DSE: variants seen among roughly 807,000 people sequenced by gnomAD.
DSE encodes dermatan sulfate epimerase.
In DSE, 36 loss-of-function variants were observed where a neutral mutation model predicts 84.4. That is an observed-to-expected ratio of 0.43 (90% confidence interval 0.33 to 0.56). DSE has a LOEUF of 0.56. DSE is among the 20% of genes least tolerant of loss of function. The pLI is 0.06. For missense variants in DSE, 862 were observed against 1,169.6 expected (o/e 0.74, Z 3.84); for synonymous variants, 410 against 430.1 (o/e 0.95, Z 0.58).
At chr6:116,315,740 G>A (rs763333363) in intron 2 of DSE, among the ~76,000 whole-genome samples, 10 of 152,174 alleles carry the variant, frequency 6.6e-5, no homozygotes, top group Non-Finnish European at 1.0e-4. Flanking sequence ...GGTGGCTCAC[G>A]CCTGTAATCC....
chr6:116,279,309 C>CCCA, intron 2 of DSE: 1 of 1,610,490 alleles, frequency 6.2e-7, no homozygotes, highest in Non-Finnish European at 8.5e-7. Context: ...CCTTCACCAC[C>CCCA]TCAGCGCTCT....
At chr6:116,420,630 T>C in intron 2 of DSE, among the ~76,000 whole-genome samples, 1 of 152,232 alleles carries the variant, frequency 6.6e-6, no homozygotes, top group East Asian at 1.9e-4. Flanking sequence ...CTACCCAGTC[T>C]ATGGCATTTT....
At position 116,427,561 on chromosome 6, in the gene DSE, C is replaced by T. The variant is rs73767766; in HGVS notation, c.670+734C>T. Among the ~76,000 whole-genome samples, 290 of 152,314 alleles carry T rather than the reference C, an allele frequency of 1.9e-3. 2 individuals carry two copies. Among genetic ancestry groups the T allele is most frequent in the African/African-American group, 6.8e-3 (281 of 41,570 alleles). ...AAGCATTTTGTTGATTATCCAGCAT[C>T]GGATTTTACCCAAACCTAGCTTTCT... is the stretch of plus-strand genomic sequence containing the variant. On this transcript the variant is annotated intron_variant, in intron 3 of 5. Transcript: ENST00000644252.
upstream of DSE, among the ~76,000 whole-genome samples, chr6:116,369,368 A>G (rs1779371245): frequency 6.6e-6 from 1 of 152,236 alleles, no homozygotes; most frequent in South Asian, 2.1e-4. Flanking sequence ...ATACAGCTAG[A>G]CACTTTCACA....
chr6:116,256,358 G>A (rs903354366), intron 1 of DSE: 5 of 152,120 alleles, frequency 3.3e-5, no homozygotes, highest in Admixed American at 6.5e-5. Context: ...TTGCTCCTAG[G>A]CTACAAACCT....
At chr6:116,278,637 C>A in intron 2 of DSE, 1 of 1,614,162 alleles carries the variant, frequency 6.2e-7, no homozygotes. Flanking sequence ...GCCACAGATC[C>A]TCTTTAATAA....
chr6:116,438,054 T>C lies in DSE; in HGVS notation c.*709T>C, dbSNP rs1304997256. 1.4e-5 allele frequency: 2 copies of C among 139,572 alleles called. No individual in the cohort carries two copies. The highest frequency in any genetic ancestry group is 5.5e-5 in the African/African-American group (2 of 36,480). The allele number at this position is 139,572 out of a possible 1,614,324, so 8.6% of individuals were successfully genotyped here. A position where few individuals can be genotyped will look rare whatever the true frequency, so the allele number is the denominator to read the frequency against. On this transcript the variant is annotated 3_prime_UTR_variant, in exon 6 of 6. Coordinates refer to ENST00000644252, the MANE Select transcript of DSE (RefSeq NM_013352.4). ...GTTACTTGCATGCATTCATTGGTTG[T>C]TCAATAAGTGAGATGATTACAGATA...
chr6:116,318,233 G>A lies in DSE; in HGVS notation c.-54+59266G>A, dbSNP rs147070674. On this transcript the variant is annotated intron_variant, in intron 2 of 3. Transcript: ENST00000430252. ...CACATTTGAAAAGTAGGGGCCAGTC[G>A]TGGTGGCTCACCCCTGTAATCCCAA... 2.2e-3 allele frequency among the ~76,000 whole-genome samples: 342 copies of A among 152,300 alleles called. 1 individual carries two copies. The highest frequency in any genetic ancestry group is 5.0e-3 in the African/African-American group (208 of 41,556).
intron 2 of DSE, among the ~76,000 whole-genome samples, chr6:116,301,903 G>A (rs1775064499): frequency 6.6e-6 from 1 of 152,148 alleles, no homozygotes; most frequent in African/African-American, 2.4e-5. Context: ...TTCTATTCCT[G>A]TGTTAGTTTG....
At chr6:116,329,732 G>C (rs1361277131) in intron 2 of DSE, among the ~76,000 whole-genome samples, 1 of 152,184 alleles carries the variant, frequency 6.6e-6, no homozygotes, top group African/African-American at 2.4e-5. Flanking sequence ...ATTTGACAAA[G>C]CATTGACAAA....
intron 2 of DSE, among the ~76,000 whole-genome samples, chr6:116,323,845 T>C (rs1296547018): frequency 6.6e-6 from 1 of 152,196 alleles, no homozygotes; most frequent in African/African-American, 2.4e-5. Flanking sequence ...TGTGCATCTT[T>C]CCTGATACCT....
intron 1 of DSE, among the ~76,000 whole-genome samples, chr6:116,397,232 TAG>T (rs1781312907): frequency 7.3e-6 from 1 of 137,406 alleles, no homozygotes; most frequent in South Asian, 2.3e-4. Context: ...TTTTTTGAGA[TAG>T]AGTTTCTCTC....
At chr6:116,262,869 A>G (rs1293052608) in intron 2 of DSE, among the ~76,000 whole-genome samples, 1 of 152,152 alleles carries the variant, frequency 6.6e-6, no homozygotes, top group African/African-American at 2.4e-5. Context: ...TTCATTATTT[A>G]CTCAAAAGTC....
At chr6:116,380,420 A>T (rs2858852) in intron 1 of DSE, among the ~76,000 whole-genome samples, 3,800 of 152,188 alleles carry the variant, frequency 0.025, 154 homozygotes, top group African/African-American at 0.087. Context: ...GATTGCAGGA[A>T]GGAAGAGGTT....
chr6:116,271,653 A>G (rs1274798028), intron 2 of DSE, among the ~76,000 whole-genome samples: 1 of 152,218 alleles, frequency 6.6e-6, no homozygotes, highest in Non-Finnish European at 1.5e-5. Flanking sequence ...TAAGTTTTTA[A>G]AAAGGAATTT....
At chr6:116,268,910 T>C (rs1301663813) in intron 2 of DSE, among the ~76,000 whole-genome samples, 1 of 152,136 alleles carries the variant, frequency 6.6e-6, no homozygotes, top group Non-Finnish European at 1.5e-5. Flanking sequence ...GTACTCTTTA[T>C]TATTACAATG....
chr6:116,254,186 T>G, exon 1 of DSE: 2 of 730,410 alleles, frequency 2.7e-6, no homozygotes, highest in South Asian at 3.0e-5. Context: ...CGCGGTTGAC[T>G]ACGCTTATCA....
At chr6:116,390,635 A>G (rs930878744) in intron 1 of DSE, among the ~76,000 whole-genome samples, 5 of 152,210 alleles carry the variant, frequency 3.3e-5, no homozygotes, top group African/African-American at 1.2e-4. Context: ...AACCATCATT[A>G]AGAAAATCAA....
At chr6:116,288,823 A>G (rs746504604) in intron 2 of DSE, among the ~76,000 whole-genome samples, 1 of 152,068 alleles carries the variant, frequency 6.6e-6, no homozygotes, top group Non-Finnish European at 1.5e-5. Context: ...TGGTGGAAAA[A>G]GGTGTAGTTG....
Sources: gnomAD v4.1 joint callset for allele counts (sites outside exome capture counted in the v4.1 genomes callset) on GRCh38, gnomAD v4.1.1 for gene constraint, MANE v1.5 for transcripts, NCBI Gene and HGNC (gene_info 2026-07-23, HGNC 2026-07-21) for gene names.